The following LMO4 variants were observed in gnomAD, a reference collection of about 807,000 sequenced individuals.
LMO4 encodes the protein LIM domain transcription factor LMO4.
A neutral mutation model predicts 18.5 loss-of-function variants in LMO4; 3 were observed. That is an observed-to-expected ratio of 0.16 (90% confidence interval 0.07 to 0.42). The LOEUF is 0.42. Among genes scored for constraint, LMO4 ranks in the 10% least tolerant of loss-of-function variants. The pLI, the probability that LMO4 is intolerant of heterozygous loss-of-function variation, is 0.99. For synonymous variants in LMO4, 100 were observed against 88.1 expected (o/e 1.14, Z -0.76); for missense variants, 121 against 219.9 (o/e 0.55, Z 2.84).
intron 4 of LMO4, among the ~76,000 whole-genome samples, chr1:87,341,117 C>T (rs3766027): frequency 0.19 from 28,475 of 152,066 alleles, 4,986 homozygotes; most frequent in African/African-American, 0.47. Context: ...CATTCCACAC[C>T]GGCCCAGAAA....
intron 2 of LMO4, among the ~76,000 whole-genome samples, chr1:87,336,182 G>A (rs1319145853): frequency 3.3e-5 from 5 of 152,178 alleles, no homozygotes; most frequent in African/African-American, 1.2e-4. Context: ...ATTTAATATA[G>A]CTGGTGCAGA....
At position 87,346,026 on chromosome 1, in the gene LMO4, T is replaced by A. The variant is rs565158971; in HGVS notation, c.*1230T>A. On this transcript the variant is annotated 3_prime_UTR_variant, in exon 5 of 5. Transcript: ENST00000370544. ...TTTGAAGGAAGTCACAATTTCTAAG[T>A]CATACCTGTACATATTTTGAAGCTC... 101 of 152,326 alleles carry A rather than the reference T, an allele frequency of 6.6e-4. No individual in the cohort carries two copies. Among genetic ancestry groups the A allele is most frequent in the African/African-American group, 2.3e-3 (97 of 41,570 alleles). The allele number at this position is 152,326 out of a possible 1,614,324, so 9.4% of individuals were successfully genotyped here. A position where few individuals can be genotyped will look rare whatever the true frequency, so the allele number is the denominator to read the frequency against.
Position 87,345,908 on chromosome 1 carries a change from C to G in LMO4, c.*1112C>G, listed in dbSNP as rs1650611668. 1 of 151,876 alleles carries G rather than the reference C, an allele frequency of 6.6e-6. No individual in the cohort carries two copies. The highest frequency in any genetic ancestry group is 2.4e-5 in the African/African-American group (1 of 41,346). 9.4% of individuals were successfully genotyped at this position (151,876 alleles called of 1,614,324 possible). On this transcript the variant is annotated 3_prime_UTR_variant, in exon 5 of 5. Transcript: ENST00000370544. The stretch of plus-strand genomic sequence containing the variant: ...GTCCACTATTTTGTTTATTCTTTTT[C>G]TCAATAGCAAACAAAGCCTTGGGTA...
At chr1:87,331,775 T>C (rs1001771172) in intron 1 of LMO4, 1 of 548,080 alleles carries the variant, frequency 1.8e-6, no homozygotes, top group African/African-American at 1.9e-5. Context: ...CGCAGGAAAG[T>C]TGAGAGGAGC....
intron 2 of LMO4, among the ~76,000 whole-genome samples, chr1:87,333,901 T>G (rs906855475): frequency 2.6e-5 from 4 of 151,554 alleles, no homozygotes; most frequent in Non-Finnish European, 5.9e-5. Context: ...GCTGTTAAGA[T>G]TCCGTGAATG....
intron 4 of LMO4, among the ~76,000 whole-genome samples, chr1:87,344,090 G>A (rs1349167814): frequency 6.6e-6 from 1 of 152,134 alleles, no homozygotes; most frequent in Non-Finnish European, 1.5e-5. Flanking sequence ...TAGCTATTAA[G>A]TGACATAGCA....
intron 2 of LMO4, among the ~76,000 whole-genome samples, chr1:87,332,526 GT>G (rs1251536827): frequency 6.6e-6 from 1 of 152,250 alleles, no homozygotes; most frequent in Non-Finnish European, 1.5e-5. Context: ...TGGTCCTAGA[GT>G]TTAAGTAAGT....
rs577027188 is a variant in LMO4, at chr1:87,346,619, C to T, written c.*1823C>T. Reference sequence around the variant, plus strand: ...CCAGTCAGCTTCCCTTTGAGAACTTCTGTGCTCACTTCCTGTTTTCAGAGA... The same window carrying T: ...CCAGTCAGCTTCCCTTTGAGAACTTTTGTGCTCACTTCCTGTTTTCAGAGA... On this transcript the variant is annotated 3_prime_UTR_variant, in exon 5 of 5. Transcript: ENST00000370544. 6.6e-6 allele frequency: 1 copy of T among 151,550 alleles called. No homozygotes were observed. The highest frequency in any genetic ancestry group is 2.1e-4 in the South Asian group (1 of 4,818). The allele number at this position is 151,550 out of a possible 1,614,324, so 9.4% of individuals were successfully genotyped here.
rs1450375209 is a variant in LMO4 at position 87,348,307 on chromosome 1, C to A, written c.*3511C>A. The A allele has an allele frequency of 5.4e-6, 1 of 186,530 alleles. No individual in the cohort carries two copies. Among genetic ancestry groups the A allele is most frequent in the Non-Finnish European group, 1.1e-5 (1 of 87,670 alleles). The allele number at this position is 186,530 out of a possible 1,614,324, so 11.6% of individuals were successfully genotyped here. ...AGGGAATTCTATCCTGGGTGCTGTCCCACCTATGACCCCTTCAAGAGGCCA... is the reference window on the plus strand; with the variant it reads ...AGGGAATTCTATCCTGGGTGCTGTCACACCTATGACCCCTTCAAGAGGCCA... On this transcript the variant is annotated 3_prime_UTR_variant, in exon 5 of 5. Coordinates refer to ENST00000370544, the MANE Select transcript of LMO4 (RefSeq NM_006769.4).
chr1:87,329,294 AG>A (rs1650059759), intron 1 of LMO4, 50 bp downstream of exon 1: 1 of 152,068 alleles, frequency 6.6e-6, no homozygotes, highest in Admixed American at 6.5e-5. Context: ...AGAGGGAGGG[AG>A]GGGGTCGATT....
chr1:87,343,166 C>T (rs1650540911), intron 4 of LMO4, among the ~76,000 whole-genome samples: 1 of 152,214 alleles, frequency 6.6e-6, no homozygotes, highest in Non-Finnish European at 1.5e-5. Flanking sequence ...CCCCCATTGT[C>T]TGGTCCCTTT....
intron 4 of LMO4, among the ~76,000 whole-genome samples, chr1:87,344,180 A>G (rs11161983): frequency 0.015 from 2,339 of 152,320 alleles, 52 homozygotes; most frequent in African/African-American, 0.054. Flanking sequence ...TAGTACCAAT[A>G]TGGGTGAATA....
In LMO4 at chr1:87,332,236, G is replaced by A. The variant is rs1213901919; in HGVS notation, c.221G>A (p.Arg74Lys). 1 of 1,613,636 alleles carries A rather than the reference G, an allele frequency of 6.2e-7. No homozygotes were observed. Among genetic ancestry groups the A allele is most frequent in the East Asian group, 2.2e-5 (1 of 44,872 alleles). ...ACCAAAAGTGGCATGATCCTTTGCAGAAATGACTACATTAGGTAAGACTTT... is the reference window on the plus strand; with the variant it reads ...ACCAAAAGTGGCATGATCCTTTGCAAAAATGACTACATTAGGTAAGACTTT... ...CYTKSGMILC[R>K]NDYIRLFGNS... Residue 74 changes from arginine to lysine, a missense_variant, in exon 2 of 5, where the codon AGA becomes AAA. By Grantham distance (26) the Arg-to-Lys change is conservative (BLOSUM62 2). Around this residue, in one of 4 missense-constraint regions of LMO4, gnomAD observed 62 missense variants for 128.8 expected, o/e 0.48. Coordinates refer to ENST00000370544, the MANE Select transcript of LMO4 (RefSeq NM_006769.4).
intron 2 of LMO4, among the ~76,000 whole-genome samples, chr1:87,334,493 T>C (rs1442958281): frequency 1.3e-5 from 2 of 152,100 alleles, no homozygotes; most frequent in African/African-American, 2.4e-5. Flanking sequence ...AGTCCACTTG[T>C]TGGAGGAGCT....
In LMO4 at chr1:87,340,998, C is replaced by A. The variant is rs569818445; in HGVS notation, c.489+796C>A. ...CCCCCAGTACTGGATAGTTTTAGATCTATTTTAATCTCCTTAATAAGTCCT... is the reference window on the plus strand; with the variant it reads ...CCCCCAGTACTGGATAGTTTTAGATATATTTTAATCTCCTTAATAAGTCCT... On this transcript the variant is annotated intron_variant, in intron 4 of 4. Transcript: ENST00000370544. 1.4e-4 allele frequency among the ~76,000 whole-genome samples: 21 copies of A among 152,262 alleles called. No homozygotes were observed. The South Asian group carries it at 4.4e-3, about 32-fold the overall frequency.
At chr1:87,335,182 C>G (rs1650268493) in intron 2 of LMO4, among the ~76,000 whole-genome samples, 1 of 152,218 alleles carries the variant, frequency 6.6e-6, no homozygotes, top group Admixed American at 6.5e-5. Context: ...TCCACCCAAG[C>G]GCCCCAAGTA....
At chr1:87,334,404 A>G (rs1315301951) in intron 2 of LMO4, among the ~76,000 whole-genome samples, 1 of 152,176 alleles carries the variant, frequency 6.6e-6, no homozygotes, top group Non-Finnish European at 1.5e-5. Flanking sequence ...TTCCTCTCTC[A>G]GCCCATCAGG....
chr1:87,334,678 G>T (rs1196843671), intron 2 of LMO4, among the ~76,000 whole-genome samples: 1 of 152,126 alleles, frequency 6.6e-6, no homozygotes, highest in Non-Finnish European at 1.5e-5. Context: ...CTAAAAAGCT[G>T]CGGGAGAGCT....
rs1650661518 is a variant in LMO4, at chr1:87,347,262, A to T, written c.*2466A>T. On this transcript the variant is annotated 3_prime_UTR_variant, in exon 5 of 5. Coordinates refer to ENST00000370544, the MANE Select transcript of LMO4 (RefSeq NM_006769.4). ...TGGAGAAGGACTAATGGAGCTATGA[A>T]TATACAATAGAACATATTTAAGTAG... 6.6e-6 allele frequency: 1 copy of T among 152,224 alleles called. No homozygotes were observed. The highest frequency in any genetic ancestry group is 2.4e-5 in the African/African-American group (1 of 41,448). 9.4% of individuals were successfully genotyped at this position (152,224 alleles called of 1,614,324 possible).
Sources: allele counts gnomAD v4.1 joint callset (sites outside exome capture counted in the v4.1 genomes callset), GRCh38; gene constraint gnomAD v4.1.1; regional missense constraint gnomAD v4.1.1; transcripts MANE v1.5; gene names NCBI Gene and HGNC (gene_info 2026-07-23, HGNC 2026-07-21).